XKR4: variants seen among roughly 807,000 people sequenced by gnomAD.
The protein encoded by XKR4 is XK-related protein 4.
A neutral mutation model predicts 53.9 loss-of-function variants in XKR4; 12 were observed. The ratio of observed to expected loss-of-function variants is 0.22; its 90% CI spans 0.14 to 0.36. The LOEUF is 0.36. Among genes scored for constraint, XKR4 ranks in the 10% least tolerant of loss-of-function variants. The pLI is 1.00. For missense variants in XKR4, 799 were observed against 859.5 expected, an observed-to-expected ratio of 0.93 and a Z score of 0.88; for synonymous variants, 354 against 362.4, an observed-to-expected ratio of 0.98 and a Z score of 0.26.
rs183426748 is a variant in XKR4 at position 55,391,465 on chromosome 8, A to T, written c.1006+33588A>T. On this transcript the variant is annotated intron_variant, in intron 2 of 2. Transcript: ENST00000327381. ...AAAAGAGAAAGAAATCTGTGTTCCA[A>T]TTGGAGCAATTTCTAGGATATATTG... 2.0e-5 allele frequency among the ~76,000 whole-genome samples: 3 copies of T among 152,358 alleles called. No individual in the cohort carries two copies. In the East Asian group the frequency reaches 5.8e-4, roughly 29 times the overall value.
chr8:55,280,242 T>C lies in XKR4; in HGVS notation c.807-77436T>C, dbSNP rs369616601. The stretch of plus-strand genomic sequence containing the variant: ...ATTGTTTTTATGTTTGTCAGAGCCA[T>C]TGTTTCTCTTTCCTTTGGCTCAAAA... On this transcript the variant is annotated intron_variant, in intron 1 of 2. Transcript: ENST00000327381. Among the ~76,000 whole-genome samples, 10 of 152,156 alleles carry C rather than the reference T, an allele frequency of 6.6e-5. 1 individual carries two copies. The highest frequency in any genetic ancestry group is 3.9e-4 in the Admixed American group (6 of 15,270).
intron 1 of XKR4, among the ~76,000 whole-genome samples, chr8:55,109,123 T>C (rs972106171): frequency 6.6e-6 from 1 of 151,964 alleles, no homozygotes; most frequent in East Asian, 1.9e-4. Flanking sequence ...AAGGAAGAAG[T>C]TTTTTAGTAG....
At chr8:55,476,911 G>A (rs1805997360) in intron 2 of XKR4, among the ~76,000 whole-genome samples, 1 of 152,146 alleles carries the variant, frequency 6.6e-6, no homozygotes, top group Admixed American at 6.5e-5. Flanking sequence ...GAACTGGGTG[G>A]AGCCCACCAC....
rs552934064 is a variant in XKR4 at position 55,531,561 on chromosome 8, T to G, written c.*7334T>G. The G allele has an allele frequency of 2.0e-5, 3 of 152,230 alleles. No individual in the cohort carries two copies. The South Asian group carries it at 6.2e-4, about 32-fold the overall frequency. 9.4% of individuals were successfully genotyped at this position (152,230 alleles called of 1,614,324 possible). ...AGAGAAAAGTAATTTTATAATTTGT[T>G]TATATGACTCTCCAACACTAGATAT... On this transcript the variant is annotated 3_prime_UTR_variant, in exon 3 of 3. Transcript: ENST00000327381.
chr8:55,144,979 C>T (rs1816752616), intron 1 of XKR4, among the ~76,000 whole-genome samples: 2 of 151,922 alleles, frequency 1.3e-5, no homozygotes, highest in Non-Finnish European at 2.9e-5. Flanking sequence ...TTGTGGGTGC[C>T]TGCCACCATG....
In XKR4 at chr8:55,515,087, C is replaced by T. The variant is rs1274727596; in HGVS notation, c.1007-8194C>T. On this transcript the variant is annotated intron_variant, in intron 2 of 2. Coordinates refer to ENST00000327381, the MANE Select transcript of XKR4 (RefSeq NM_052898.2). ...CTTTGCTTCTCCCAACAACTTCCTC[C>T]AACTCTTTTTATATTAAAACTTTTT... is the stretch of plus-strand genomic sequence containing the variant. 3.9e-5 allele frequency among the ~76,000 whole-genome samples: 6 copies of T among 152,318 alleles called. No homozygotes were observed. The South Asian group carries it at 6.2e-4, about 16-fold the overall frequency.
At chr8:55,518,476 C>T (rs778401709) in intron 2 of XKR4, among the ~76,000 whole-genome samples, 7 of 152,074 alleles carry the variant, frequency 4.6e-5, no homozygotes, top group South Asian at 2.1e-4. Context: ...TATTTATCCC[C>T]GCCTAAAAGA....
intron 1 of XKR4, among the ~76,000 whole-genome samples, chr8:55,336,311 G>A (rs1803461784): frequency 6.6e-6 from 1 of 152,062 alleles, no homozygotes; most frequent in Non-Finnish European, 1.5e-5. Flanking sequence ...CCGTCACCAT[G>A]TAAGAAGTGC....
At chr8:55,376,959 C>A (rs1334695751) in intron 2 of XKR4, among the ~76,000 whole-genome samples, 1 of 150,870 alleles carries the variant, frequency 6.6e-6, no homozygotes, top group African/African-American at 2.4e-5. Flanking sequence ...CACACTCACA[C>A]ACACACACAC....
At chr8:55,454,486 G>A in intron 2 of XKR4, 1 of 1,208,674 alleles carries the variant, frequency 8.3e-7, no homozygotes, top group South Asian at 1.3e-5. Flanking sequence ...GGGTGGCACA[G>A]ACCAAAGACA....
intron 2 of XKR4, among the ~76,000 whole-genome samples, chr8:55,497,398 G>A (rs1303325156): frequency 1.3e-5 from 2 of 152,074 alleles, no homozygotes; most frequent in Non-Finnish European, 2.9e-5. Context: ...ATATTTTTTT[G>A]ACGTTTATAA....
intron 2 of XKR4, among the ~76,000 whole-genome samples, chr8:55,446,541 G>T (rs1805350533): frequency 6.6e-6 from 1 of 152,150 alleles, no homozygotes; most frequent in Admixed American, 6.5e-5. Flanking sequence ...TAGAGATGAG[G>T]TTTCACCATG....
At chr8:55,430,703 T>C (rs1482625169) in intron 2 of XKR4, among the ~76,000 whole-genome samples, 1 of 152,162 alleles carries the variant, frequency 6.6e-6, no homozygotes, top group Non-Finnish European at 1.5e-5. Context: ...AATTTATATC[T>C]CACTGTTCTG....
rs939466260 is a variant in XKR4, at chr8:55,541,457, T to A, written c.*17230T>A. 2.6e-5 allele frequency: 4 copies of A among 152,154 alleles called. No individual in the cohort carries two copies. The highest frequency in any genetic ancestry group is 9.7e-5 in the African/African-American group (4 of 41,420). The allele number at this position is 152,154 out of a possible 1,614,324, so 9.4% of individuals were successfully genotyped here. A position where few individuals can be genotyped will look rare whatever the true frequency, so the allele number is the denominator to read the frequency against. ...GAACAGGTGGCAGGTGAACAGCAAA[T>A]GGAAGAGAATGGACCAGTAATTTCT... On this transcript the variant is annotated 3_prime_UTR_variant, in exon 3 of 3. Coordinates refer to ENST00000327381, the MANE Select transcript of XKR4 (RefSeq NM_052898.2).
intron 1 of XKR4, among the ~76,000 whole-genome samples, chr8:55,217,241 CA>C (rs35294638): frequency 0.25 from 26,150 of 105,122 alleles, 1,910 homozygotes; most frequent in East Asian, 0.45. Context: ...GACTCTGTCT[CA>C]AAAAAAAAAA....
At chr8:55,483,158 A>T (rs1215690776) in intron 2 of XKR4, among the ~76,000 whole-genome samples, 1 of 152,132 alleles carries the variant, frequency 6.6e-6, no homozygotes, top group Non-Finnish European at 1.5e-5. Flanking sequence ...AGGAACCCGG[A>T]TTCCAGACAT....
chr8:55,159,045 A>G (rs1050888881), intron 1 of XKR4, among the ~76,000 whole-genome samples: 43 of 152,120 alleles, frequency 2.8e-4, no homozygotes, highest in African/African-American at 8.5e-4. Context: ...TAGGAATAGC[A>G]TGGATCTGTA....
chr8:55,286,628 C>T (rs939403355), intron 1 of XKR4, among the ~76,000 whole-genome samples: 1 of 152,220 alleles, frequency 6.6e-6, no homozygotes, highest in African/African-American at 2.4e-5. Flanking sequence ...AGCTGTCAGC[C>T]AGTGTTGTTC....
At chr8:55,445,966 T>C (rs2129395482) in intron 2 of XKR4, among the ~76,000 whole-genome samples, 1 of 152,316 alleles carries the variant, frequency 6.6e-6, no homozygotes, top group East Asian at 1.9e-4. Flanking sequence ...CTTCTGAGAA[T>C]CTTCCAAAGA....
Sources: gnomAD v4.1 joint callset for allele counts (sites outside exome capture counted in the v4.1 genomes callset) on GRCh38, gnomAD v4.1.1 for gene constraint, MANE v1.5 for transcripts, NCBI Gene and HGNC (gene_info 2026-07-23, HGNC 2026-07-21) for gene names.